Variants in TCF12 observed in about 807,000 individuals in gnomAD.
TCF12 encodes DNA-binding protein HTF4.
Under a neutral mutation model 86.0 loss-of-function variants are expected in TCF12, and 45 were observed. That is an observed-to-expected ratio of 0.52 (90% CI 0.41 to 0.67). TCF12 has a LOEUF of 0.67. TCF12 is among the 30% of genes least tolerant of loss of function. TCF12 has a pLI of 0.00. For missense variants in TCF12, 881 were observed against 859.9 expected (o/e 1.02, Z -0.31); for synonymous variants, 330 against 299.6 (o/e 1.10, Z -1.05).
chr15:57,109,475 G>A (rs1780494012), intron 5 of TCF12, among the ~76,000 whole-genome samples: 1 of 152,046 alleles, frequency 6.6e-6, no homozygotes. Context: ...AAAGAATTTT[G>A]AAATTCATTG....
chr15:56,920,050 G>GTTTC, intron 2 of TCF12, 62 bp downstream of exon 2: 2 of 1,560,034 alleles, frequency 1.3e-6, no homozygotes, highest in South Asian at 1.1e-5. Flanking sequence ...TTGTTTGTTT[G>GTTTC]TTTCTTTTAA....
intron 7 of TCF12, among the ~76,000 whole-genome samples, chr15:57,193,430 CT>C (rs2057087053): frequency 6.6e-6 from 1 of 152,188 alleles, no homozygotes; most frequent in Admixed American, 6.5e-5. Context: ...TAGCTCCCTT[CT>C]TTTATGTCTT....
intron 5 of TCF12, among the ~76,000 whole-genome samples, chr15:57,143,139 C>A (rs1422863492): frequency 6.8e-6 from 1 of 147,530 alleles, no homozygotes; most frequent in African/African-American, 2.5e-5. Flanking sequence ...AATATATACA[C>A]CTATTACGTG....
At chr15:57,043,605 T>G (rs1274430898) in intron 3 of TCF12, among the ~76,000 whole-genome samples, 9 of 152,204 alleles carry the variant, frequency 5.9e-5, no homozygotes, top group African/African-American at 1.9e-4. Flanking sequence ...GACACCTGTA[T>G]GTCTTCTTCG....
At chr15:57,059,091 A>G (rs980208193) in intron 3 of TCF12, among the ~76,000 whole-genome samples, 3 of 152,240 alleles carry the variant, frequency 2.0e-5, no homozygotes, top group African/African-American at 4.8e-5. Flanking sequence ...GCAGATGGCA[A>G]TCCTGCAAAA....
chr15:57,179,306 G>A (rs553740561), intron 6 of TCF12, among the ~76,000 whole-genome samples: 22 of 152,270 alleles, frequency 1.4e-4, no homozygotes, highest in African/African-American at 5.3e-4. Context: ...CCAGCATAGT[G>A]AAACCCCATC....
At chr15:56,967,694 A>G (rs1197944993) in intron 3 of TCF12, among the ~76,000 whole-genome samples, 2 of 152,230 alleles carry the variant, frequency 1.3e-5, no homozygotes, top group African/African-American at 2.4e-5. Context: ...GAAAAAATTA[A>G]CAAATTGCCG....
chr15:57,103,569 A>G (rs895163734), intron 5 of TCF12, among the ~76,000 whole-genome samples: 1 of 152,240 alleles, frequency 6.6e-6, no homozygotes. Context: ...ATAAAAGAAG[A>G]CATTGTATGT....
At chr15:57,049,112 T>C (rs1387132643) in intron 3 of TCF12, among the ~76,000 whole-genome samples, 2 of 151,858 alleles carry the variant, frequency 1.3e-5, no homozygotes, top group Non-Finnish European at 2.9e-5. Context: ...GAGGGAGAGG[T>C]ATAAAGGTCT....
intron 5 of TCF12, among the ~76,000 whole-genome samples, chr15:57,100,586 A>T (rs559613903): frequency 6.6e-6 from 1 of 152,236 alleles, no homozygotes; most frequent in East Asian, 1.9e-4. Flanking sequence ...TATAGTAAAG[A>T]TGCTGCCTTC....
At position 57,286,644 on chromosome 15, in the gene TCF12, G is replaced by A; in HGVS notation, c.*499G>A. The A allele has an allele frequency of 2.2e-6, 1 of 456,694 alleles. No homozygotes were observed. The highest frequency in any genetic ancestry group is 1.5e-5 in the South Asian group (1 of 64,568). 28.3% of individuals were successfully genotyped at this position (456,694 alleles called of 1,614,324 possible). On this transcript the variant is annotated 3_prime_UTR_variant, in exon 21 of 21. Transcript: ENST00000333725. ...AGAGAACAAAGCAGTGACAACCATTGGCCCTTAGCATTCCCGGCATACCTA... is the reference window on the plus strand; with the variant it reads ...AGAGAACAAAGCAGTGACAACCATTAGCCCTTAGCATTCCCGGCATACCTA...
intron 5 of TCF12, among the ~76,000 whole-genome samples, chr15:57,120,561 C>A (rs894245425): frequency 6.6e-6 from 1 of 152,180 alleles, no homozygotes; most frequent in Non-Finnish European, 1.5e-5. Flanking sequence ...ATATCTGTCT[C>A]TCCTGTTAGG....
Position 57,281,104 on chromosome 15 carries a change from C to CTTTTTTTT in TCF12, c.1979-1331_1979-1324dup, listed in dbSNP as rs5812880. Among the ~76,000 whole-genome samples the CTTTTTTTT allele has an allele frequency of 3.0e-5, 4 of 133,988 alleles. 1 individual carries two copies. The highest frequency in any genetic ancestry group is 4.7e-5 in the Non-Finnish European group (3 of 64,134). 87.9% of individuals were successfully genotyped at this position (133,988 alleles called of 152,430 possible). On this transcript the variant is annotated intron_variant, in intron 19 of 20. Transcript: ENST00000333725. ...TTATTTCTCACAGTAGCACCCTATT[C>CTTTTTTTT]TTTTTTTTTTTTTTTTTGAGACAGG...
At chr15:56,940,592 C>CCTCCTTCTT (rs2060708981) in intron 3 of TCF12, among the ~76,000 whole-genome samples, 1 of 149,416 alleles carries the variant, frequency 6.7e-6, no homozygotes, top group Non-Finnish European at 1.5e-5. Flanking sequence ...TTCTCCTCCT[C>CCTCCTTCTT]CTCCTCCTTC....
intron 8 of TCF12, among the ~76,000 whole-genome samples, chr15:57,216,518 G>C (rs1341102411): frequency 6.9e-6 from 1 of 144,478 alleles, no homozygotes; most frequent in Non-Finnish European, 1.5e-5. Flanking sequence ...CAGCTGACTC[G>C]TTTTGTCAGA....
chr15:57,010,602 T>C (rs1249512719), intron 3 of TCF12, among the ~76,000 whole-genome samples: 1 of 152,178 alleles, frequency 6.6e-6, no homozygotes, highest in Non-Finnish European at 1.5e-5. Context: ...GGTACTTTTT[T>C]ATGAAGGGAA....
chr15:57,179,574 C>T (rs2056192366), intron 6 of TCF12, among the ~76,000 whole-genome samples: 1 of 151,948 alleles, frequency 6.6e-6, no homozygotes, highest in Admixed American at 6.6e-5. Flanking sequence ...ATTTCGTTGG[C>T]AGGATACATT....
At chr15:57,142,675 A>G (rs1283410632) in intron 5 of TCF12, among the ~76,000 whole-genome samples, 1 of 152,242 alleles carries the variant, frequency 6.6e-6, no homozygotes, top group African/African-American at 2.4e-5. Flanking sequence ...CAAAATGCTT[A>G]TCAACTAAAG....
chr15:57,144,045 A>G (rs541084100), intron 5 of TCF12, among the ~76,000 whole-genome samples: 5 of 152,324 alleles, frequency 3.3e-5, no homozygotes, highest in East Asian at 1.9e-4. Context: ...CCAAAGTGTA[A>G]TATTTTAGGA....
Sources: gnomAD v4.1 joint callset for allele counts (sites outside exome capture counted in the v4.1 genomes callset) on GRCh38, gnomAD v4.1.1 for gene constraint, MANE v1.5 for transcripts, NCBI Gene and HGNC (gene_info 2026-07-23, HGNC 2026-07-21) for gene names.